Variants in HS3ST1 observed in about 807,000 individuals in gnomAD.
HS3ST1 encodes the protein heparan sulfate-glucosamine 3-sulfotransferase 1.
HS3ST1 carries 8 observed loss-of-function variants against 20.7 expected under a neutral mutation model. The observed-to-expected ratio is 0.39, with a 90% CI of 0.23 to 0.70. HS3ST1 has a LOEUF of 0.70. Ranked by LOEUF, HS3ST1 falls within the 30% of genes least tolerant of loss-of-function variation. The probability of loss-of-function intolerance (pLI) is 0.46; values close to 1 mark genes in which losing one functional copy is unlikely to be tolerated. For missense variants in HS3ST1, 436 were observed against 423.4 expected (o/e 1.03, Z -0.26); for synonymous variants, 205 against 190.4 (o/e 1.08, Z -0.63).
chr4:11,415,516 A>T (rs1376149774), intron 1 of HS3ST1, among the ~76,000 whole-genome samples: 1 of 152,260 alleles, frequency 6.6e-6, no homozygotes, highest in Non-Finnish European at 1.5e-5. Context: ...GAAAAATATT[A>T]GTAATAACTT....
At chr4:11,422,130 T>C (rs1261430156) in intron 1 of HS3ST1, among the ~76,000 whole-genome samples, 2 of 152,244 alleles carry the variant, frequency 1.3e-5, no homozygotes, top group Non-Finnish European at 1.5e-5. Context: ...ACTGACCGTA[T>C]TGGGAATCCC....
At chr4:11,423,948 A>C (rs1324210055) in intron 1 of HS3ST1, among the ~76,000 whole-genome samples, 1 of 151,728 alleles carries the variant, frequency 6.6e-6, no homozygotes, top group East Asian at 1.9e-4. Context: ...GGTTTGGCCC[A>C]CATGGTGTTA....
chr4:11,410,412 A>G (rs1718588279), intron 1 of HS3ST1, among the ~76,000 whole-genome samples: 1 of 152,216 alleles, frequency 6.6e-6, no homozygotes, highest in African/African-American at 2.4e-5. Flanking sequence ...GCCATTGCTC[A>G]GAAGGAAGTC....
intron 1 of HS3ST1, among the ~76,000 whole-genome samples, chr4:11,426,055 A>G (rs1297203931): frequency 6.6e-6 from 1 of 152,184 alleles, no homozygotes; most frequent in East Asian, 1.9e-4. Context: ...TAACACAGGG[A>G]CCCAGGCTTA....
intron 1 of HS3ST1, among the ~76,000 whole-genome samples, chr4:11,408,603 G>A (rs574348962): frequency 2.0e-5 from 3 of 152,214 alleles, no homozygotes; most frequent in Non-Finnish European, 4.4e-5. Context: ...AAGAGGAGAA[G>A]TTACTTCTCA....
intron 1 of HS3ST1, among the ~76,000 whole-genome samples, chr4:11,415,398 AC>A (rs1454100403): frequency 6.6e-6 from 1 of 152,210 alleles, no homozygotes; most frequent in African/African-American, 2.4e-5. Context: ...TATAGAAAAA[AC>A]ATTTTAGCCC....
chr4:11,406,319 G>C (rs1362302962), intron 1 of HS3ST1, among the ~76,000 whole-genome samples: 1 of 152,194 alleles, frequency 6.6e-6, no homozygotes, highest in Non-Finnish European at 1.5e-5. Flanking sequence ...GTAAATCCAA[G>C]CTAGAATTCT....
rs397734421 is a variant in HS3ST1 at position 11,426,373 on chromosome 4, C to CCCA, written c.-109+2325_-109+2326insTGG. Among the ~76,000 whole-genome samples, 694 of 151,196 alleles carry CCCA rather than the reference C, an allele frequency of 4.6e-3. 8 individuals carry two copies. The highest frequency in any genetic ancestry group is 0.016 in the African/African-American group (665 of 40,922). ...CTTTTCCCTTCAGAGGCCCCCCCCCCAACCCTCACAAGATTTTTCCAGTAA... is the reference window on the plus strand; with the variant it reads ...CTTTTCCCTTCAGAGGCCCCCCCCCCCCAAACCCTCACAAGATTTTTCCAGTAA... On this transcript the variant is annotated intron_variant, in intron 1 of 1. Coordinates refer to ENST00000002596, the MANE Select transcript of HS3ST1 (RefSeq NM_005114.4).
chr4:11,394,133 A>T lies in HS3ST1; in HGVS notation c.*4949T>A, dbSNP rs992101714. On this transcript the variant is annotated 3_prime_UTR_variant, in exon 2 of 2. Coordinates refer to ENST00000002596, the MANE Select transcript of HS3ST1 (RefSeq NM_005114.4). The stretch of plus-strand genomic sequence containing the variant: ...TGCACTGGGTTTATAGTTTTTACCT[A>T]CTTTATCTCATTGAGTTGGAGTTTT... 2 of 152,206 alleles carry T rather than the reference A, an allele frequency of 1.3e-5. No homozygotes were observed. Among genetic ancestry groups the T allele is most frequent in the African/African-American group, 4.8e-5 (2 of 41,444 alleles). 9.4% of individuals were successfully genotyped at this position (152,206 alleles called of 1,614,324 possible).
chr4:11,406,814 C>T (rs936424385), intron 1 of HS3ST1, among the ~76,000 whole-genome samples: 7 of 151,720 alleles, frequency 4.6e-5, no homozygotes, highest in East Asian at 1.9e-4. Context: ...TTTTCTGGAA[C>T]GTACTGAAAC....
At chr4:11,417,191 G>A (rs569084433) in intron 1 of HS3ST1, among the ~76,000 whole-genome samples, 1 of 152,242 alleles carries the variant, frequency 6.6e-6, no homozygotes, top group South Asian at 2.1e-4. Flanking sequence ...CACCCACTAT[G>A]TGTATTAAAC....
intron 1 of HS3ST1, among the ~76,000 whole-genome samples, chr4:11,402,419 G>A (rs1718349549): frequency 6.6e-6 from 1 of 152,198 alleles, no homozygotes; most frequent in Non-Finnish European, 1.5e-5. Flanking sequence ...TTAGTCAAGT[G>A]ATGGTTTCAG....
chr4:11,423,021 C>CA (rs71181101), intron 1 of HS3ST1, among the ~76,000 whole-genome samples: 6,330 of 34,290 alleles, frequency 0.18, 2,349 homozygotes, highest in East Asian at 0.36. Flanking sequence ...GAGACACCGT[C>CA]AAAAAAAAAA....
chr4:11,416,166 A>G (rs985706879), intron 1 of HS3ST1, among the ~76,000 whole-genome samples: 1 of 152,172 alleles, frequency 6.6e-6, no homozygotes, highest in East Asian at 1.9e-4. Flanking sequence ...ACAGCTGCCA[A>G]TCTGAACTCA....
chr4:11,408,380 G>A (rs940567906), intron 1 of HS3ST1, among the ~76,000 whole-genome samples: 21 of 152,144 alleles, frequency 1.4e-4, no homozygotes, highest in Admixed American at 1.4e-3. Flanking sequence ...TGGGATCCTG[G>A]GATGATAATT....
At chr4:11,400,426 A>T (rs545026115) in intron 1 of HS3ST1, among the ~76,000 whole-genome samples, 3 of 152,294 alleles carry the variant, frequency 2.0e-5, no homozygotes, top group South Asian at 4.1e-4. Context: ...GCACTGAGTG[A>T]ATTTCATATA....
chr4:11,432,877 C>A (rs1286215925), upstream of HS3ST1, among the ~76,000 whole-genome samples: 1 of 152,214 alleles, frequency 6.6e-6, no homozygotes, highest in Non-Finnish European at 1.5e-5. Flanking sequence ...CCCCAACCAT[C>A]CCGTCCCAAC....
chr4:11,416,457 C>G (rs4432742), intron 1 of HS3ST1, among the ~76,000 whole-genome samples: 1,551 of 152,304 alleles, frequency 0.01, 22 homozygotes, highest in African/African-American at 0.036. Flanking sequence ...AACAGTGCCA[C>G]CTGCACAATG....
Position 11,399,972 on chromosome 4 carries a change from C to G in HS3ST1, c.34G>C (p.Val12Leu). 1 of 1,547,044 alleles carries G rather than the reference C, an allele frequency of 6.5e-7. No homozygotes were observed. The highest frequency in any genetic ancestry group is 8.7e-7 in the Non-Finnish European group (1 of 1,150,974). ...GAAGGCACTAGCTGGGGCTGGGCCA[C>G]CAGCAGCACCGCGCCCAGGAGCAGC... ...AALLLGAVLL[V>L]AQPQLVPSRP... The change falls in exon 2 of 2, where the codon GTG becomes CTG. Residue 12 changes from valine to leucine, a missense_variant. Val to Leu is a conservative substitution (Grantham distance 32). Transcript: ENST00000002596. This position sits in a 1 kb window ranked among gnomAD's most constrained non-coding sequence, Gnocchi z 5.1.
Sources: gnomAD v4.1 joint callset for allele counts (sites outside exome capture counted in the v4.1 genomes callset) on GRCh38, gnomAD v4.1.1 for gene constraint, Gnocchi (gnomAD v3.1) non-coding constraint, MANE v1.5 for transcripts, NCBI Gene and HGNC (gene_info 2026-07-23, HGNC 2026-07-21) for gene names.